The following SSH2 variants were observed in gnomAD, a reference collection of about 807,000 sequenced individuals.
SSH2 encodes slingshot protein phosphatase 2, also known as protein phosphatase Slingshot homolog 2.
A neutral mutation model predicts 135.2 loss-of-function variants in SSH2; 37 were observed. The observed-to-expected ratio is 0.27, with a 90% CI of 0.21 to 0.36. The LOEUF is 0.36. SSH2 is among the 10% of genes least tolerant of loss of function. The pLI is 1.00. For synonymous variants in SSH2, 628 were observed against 646.2 expected, an observed-to-expected ratio of 0.97 and a Z score of 0.43; for missense variants, 1,408 against 1,765.3, an observed-to-expected ratio of 0.80 and a Z score of 3.63.
intron 2 of SSH2, among the ~76,000 whole-genome samples, chr17:29,834,829 G>C (rs1435452112): frequency 6.6e-6 from 1 of 151,972 alleles, no homozygotes; most frequent in Non-Finnish European, 1.5e-5. Context: ...GAACTATATA[G>C]TTTTAATTAA....
At chr17:29,876,412 G>A (rs866101149) in intron 1 of SSH2, among the ~76,000 whole-genome samples, 8 of 152,060 alleles carry the variant, frequency 5.3e-5, no homozygotes, top group African/African-American at 1.9e-4. Context: ...TTTTCCTATA[G>A]AGTTGTTTGG....
chr17:29,677,952 T>C (rs2037799395), intron 6 of SSH2, among the ~76,000 whole-genome samples: 1 of 152,212 alleles, frequency 6.6e-6, no homozygotes, highest in African/African-American at 2.4e-5. Flanking sequence ...TCCTTAAATA[T>C]TTAATGAAGA....
At chr17:29,751,178 G>A (rs1396901812) in intron 3 of SSH2, among the ~76,000 whole-genome samples, 2 of 152,198 alleles carry the variant, frequency 1.3e-5, no homozygotes, top group Non-Finnish European at 2.9e-5. Flanking sequence ...CACTCTGGGA[G>A]GCCGAGGCGG....
rs1175470091 is a variant in SSH2, at chr17:29,629,618, A to G, written c.*1223T>C. The G allele has an allele frequency of 6.6e-6, 1 of 152,646 alleles. No individual in the cohort carries two copies. The highest frequency in any genetic ancestry group is 2.4e-5 in the African/African-American group (1 of 41,454). 9.5% of individuals were successfully genotyped at this position (152,646 alleles called of 1,614,324 possible). ...AAAAAGAATAAATCAAAATTACCCT[A>G]CAACATGAACAAGACACTAAGACAG... On this transcript the variant is annotated 3_prime_UTR_variant, in exon 16 of 16. Coordinates refer to ENST00000540801, the MANE Select transcript of SSH2 (RefSeq NM_001282129.2).
intron 2 of SSH2, among the ~76,000 whole-genome samples, chr17:29,838,111 C>T (rs926715008): frequency 3.9e-5 from 6 of 152,268 alleles, no homozygotes; most frequent in African/African-American, 1.4e-4. Context: ...CCTACTCTCA[C>T]TGTCTGGCTT....
intron 2 of SSH2, among the ~76,000 whole-genome samples, chr17:29,813,898 G>GAA (rs1214253191): frequency 6.6e-6 from 1 of 151,708 alleles, no homozygotes; most frequent in African/African-American, 2.4e-5. Context: ...TTGGGAGGCC[G>GAA]AGGAGGGCGG....
chr17:29,735,457 G>A (rs574764476), intron 3 of SSH2, among the ~76,000 whole-genome samples: 1 of 152,224 alleles, frequency 6.6e-6, no homozygotes, highest in Non-Finnish European at 1.5e-5. Flanking sequence ...AGAACTTTGG[G>A]AGGCTGAGGC....
At chr17:29,780,448 T>C (rs1003696108) in intron 3 of SSH2, 1 of 151,758 alleles carries the variant, frequency 6.6e-6, no homozygotes, top group East Asian at 1.9e-4. Context: ...TTTTTTTTTT[T>C]TTTTTGAGAT....
At chr17:29,754,604 C>T (rs1252859951) in intron 3 of SSH2, among the ~76,000 whole-genome samples, 2 of 152,064 alleles carry the variant, frequency 1.3e-5, no homozygotes, top group Non-Finnish European at 2.9e-5. Context: ...TGTTTCAGTG[C>T]CTTAGTTTCA....
chr17:29,735,172 C>G (rs2040323973), intron 3 of SSH2, among the ~76,000 whole-genome samples: 1 of 152,092 alleles, frequency 6.6e-6, no homozygotes, highest in Admixed American at 6.6e-5. Context: ...ATTTCCTGGT[C>G]CAAAGCTCTG....
chr17:29,761,950 G>A (rs1006713091), intron 3 of SSH2, among the ~76,000 whole-genome samples: 3 of 150,532 alleles, frequency 2.0e-5, no homozygotes, highest in Admixed American at 6.6e-5. Context: ...GTGCGATCTT[G>A]GTTCACTGCA....
intron 4 of SSH2, among the ~76,000 whole-genome samples, chr17:29,701,706 G>T (rs1319913147): frequency 6.6e-6 from 1 of 151,868 alleles, no homozygotes; most frequent in African/African-American, 2.4e-5. Context: ...GAGCAGCTGA[G>T]ATTACAGCAG....
At chr17:29,778,352 T>G (rs1334516346) in intron 3 of SSH2, among the ~76,000 whole-genome samples, 1 of 152,130 alleles carries the variant, frequency 6.6e-6, no homozygotes, top group Admixed American at 6.5e-5. Context: ...ATAAGTCATG[T>G]AGCCTGGATG....
At chr17:29,751,651 G>T (rs953251398) in intron 3 of SSH2, among the ~76,000 whole-genome samples, 10 of 152,110 alleles carry the variant, frequency 6.6e-5, no homozygotes, top group African/African-American at 2.4e-4. Flanking sequence ...ATAGTCACTA[G>T]GTGATTTTTC....
intron 14 of SSH2, among the ~76,000 whole-genome samples, chr17:29,637,618 C>T (rs889845160): frequency 6.6e-6 from 1 of 150,554 alleles, no homozygotes; most frequent in African/African-American, 2.4e-5. Flanking sequence ...TCCATCTGTA[C>T]AAAAATATAA....
chr17:29,682,078 T>G (rs2038010998), intron 6 of SSH2, among the ~76,000 whole-genome samples: 1 of 152,246 alleles, frequency 6.6e-6, no homozygotes, highest in Admixed American at 6.5e-5. Context: ...TGGCAAAAGA[T>G]AGATGTAATT....
At chr17:29,778,508 T>C (rs1026905292) in intron 3 of SSH2, among the ~76,000 whole-genome samples, 6 of 151,944 alleles carry the variant, frequency 3.9e-5, no homozygotes, top group Middle Eastern at 3.4e-3. Context: ...GGCATGGTGA[T>C]GTGCATCTGT....
rs190173670 is a variant in SSH2, at chr17:29,929,479, C to T, written c.63+459G>A. On this transcript the variant is annotated intron_variant, in intron 1 of 15. Transcript: ENST00000540801. ...CAAGTGACTAGGGGAAGGCACACACCCTGGCGAGTACGAAGAAGGGTGTGC... is the reference window on the plus strand; with the variant it reads ...CAAGTGACTAGGGGAAGGCACACACTCTGGCGAGTACGAAGAAGGGTGTGC... 2.9e-5 allele frequency: 6 copies of T among 206,104 alleles called. No individual in the cohort carries two copies. In the East Asian group the frequency reaches 7.3e-4, roughly 25 times the overall value. 12.8% of individuals were successfully genotyped at this position (206,104 alleles called of 1,614,324 possible). A position where few individuals can be genotyped will look rare whatever the true frequency, so the allele number is the denominator to read the frequency against.
intron 2 of SSH2, among the ~76,000 whole-genome samples, chr17:29,820,457 C>T (rs1391816440): frequency 6.6e-6 from 1 of 152,154 alleles, no homozygotes; most frequent in Non-Finnish European, 1.5e-5. Context: ...TAAAACAGAT[C>T]GAGTCCTTGC....
Sources: gnomAD v4.1 joint callset for allele counts (sites outside exome capture counted in the v4.1 genomes callset) on GRCh38, gnomAD v4.1.1 for gene constraint, MANE v1.5 for transcripts, NCBI Gene and HGNC (gene_info 2026-07-23, HGNC 2026-07-21) for gene names.